PTGER3: variants seen among roughly 807,000 people sequenced by gnomAD.
PTGER3 encodes prostaglandin E2 receptor EP3 subtype.
In PTGER3, 22 loss-of-function variants were observed where a neutral mutation model predicts 34.7. The observed-to-expected ratio is 0.63, with a 90% CI of 0.45 to 0.91. The LOEUF (loss-of-function observed/expected upper bound fraction) is 0.91. Among genes scored for constraint, PTGER3 ranks in the 40% least tolerant of loss-of-function variants. The pLI, the probability that PTGER3 is intolerant of heterozygous loss-of-function variation, is 0.00. For synonymous variants in PTGER3, 241 were observed against 230.1 expected, an observed-to-expected ratio of 1.05 and a Z score of -0.43; for missense variants, 468 against 519.4, an observed-to-expected ratio of 0.90 and a Z score of 0.96.
In PTGER3 at chr1:70,992,444, G is replaced by A. The variant is rs141488636; in HGVS notation, c.1078-18056C>T. Among the ~76,000 whole-genome samples the A allele has an allele frequency of 4.8e-4, 73 of 152,300 alleles. 1 individual carries two copies. Among genetic ancestry groups the A allele is most frequent in the African/African-American group, 1.7e-3 (69 of 41,558 alleles). On this transcript the variant is annotated intron_variant, in intron 2 of 3. Transcript: ENST00000306666. ...AGATAAAAGGGAGATATTGAGCCTA[G>A]GCTGCTGTTATAGCGACCCACATGT...
chr1:70,858,765 A>G (rs1645864675), intron 4 of PTGER3, among the ~76,000 whole-genome samples: 1 of 152,220 alleles, frequency 6.6e-6, no homozygotes, highest in African/African-American at 2.4e-5. Context: ...GTAAGCTCCT[A>G]CCAACATTTG....
chr1:70,922,451 A>G (rs6424412), intron 4 of PTGER3, among the ~76,000 whole-genome samples: 53,812 of 152,000 alleles, frequency 0.35, 9,740 homozygotes, highest in Middle Eastern at 0.51. Flanking sequence ...AAATGCCACT[A>G]TGGCTCTTAC....
At chr1:71,015,029 C>G (rs1327743823) in intron 1 of PTGER3, among the ~76,000 whole-genome samples, 6 of 152,234 alleles carry the variant, frequency 3.9e-5, no homozygotes, top group Non-Finnish European at 8.8e-5. Flanking sequence ...ACTCCAAACT[C>G]TAGCTATAGT....
chr1:70,958,912 A>G (rs1048290289), intron 2 of PTGER3, among the ~76,000 whole-genome samples: 2 of 152,196 alleles, frequency 1.3e-5, no homozygotes, highest in African/African-American at 4.8e-5. Flanking sequence ...CATTTTTTTC[A>G]GCACCATTTA....
At chr1:70,888,078 T>G (rs1419161395) in intron 4 of PTGER3, among the ~76,000 whole-genome samples, 1 of 152,210 alleles carries the variant, frequency 6.6e-6, no homozygotes, top group Non-Finnish European at 1.5e-5. Flanking sequence ...AAGAGTACCA[T>G]GTACACTAGC....
At chr1:70,978,561 C>T (rs190951373) in intron 2 of PTGER3, among the ~76,000 whole-genome samples, 84 of 152,134 alleles carry the variant, frequency 5.5e-4, no homozygotes, top group African/African-American at 1.8e-3. Context: ...TTTCCTGATC[C>T]GGATAATAAT....
chr1:70,909,720 G>C (rs922956016), intron 4 of PTGER3, among the ~76,000 whole-genome samples: 1 of 152,130 alleles, frequency 6.6e-6, no homozygotes, highest in African/African-American at 2.4e-5. Flanking sequence ...CCTGTCAATA[G>C]TTACTTGAAA....
At chr1:70,889,288 G>A in intron 4 of PTGER3, among the ~76,000 whole-genome samples, 1 of 151,816 alleles carries the variant, frequency 6.6e-6, no homozygotes, top group East Asian at 2.0e-4. Context: ...GGTGGCGGGT[G>A]CCTGTAGTCC....
At chr1:70,978,610 G>T (rs1202498961) in intron 2 of PTGER3, among the ~76,000 whole-genome samples, 1 of 152,090 alleles carries the variant, frequency 6.6e-6, no homozygotes, top group African/African-American at 2.4e-5. Flanking sequence ...TTGCAGGAGT[G>T]TGTGCTCTAG....
intron 2 of PTGER3, chr1:71,008,553 T>A: frequency 1.0e-6 from 1 of 969,290 alleles, no homozygotes; most frequent in Non-Finnish European, 1.2e-6. Flanking sequence ...CAAATATGTA[T>A]GTGAGTTTAG....
At chr1:70,877,434 A>G (rs1452565915) in intron 4 of PTGER3, among the ~76,000 whole-genome samples, 1 of 152,034 alleles carries the variant, frequency 6.6e-6, no homozygotes, top group Non-Finnish European at 1.5e-5. Flanking sequence ...TCCTATTTGG[A>G]TGCCTTGTAT....
At chr1:70,948,035 G>T (rs1572726536), downstream of PTGER3, among the ~76,000 whole-genome samples, 1 of 152,140 alleles carries the variant, frequency 6.6e-6, no homozygotes, top group African/African-American at 2.4e-5. Context: ...TGAGTGTGAT[G>T]AAATGGTAGA....
chr1:70,922,346 A>G (rs866115252), intron 4 of PTGER3, among the ~76,000 whole-genome samples: 1 of 142,626 alleles, frequency 7.0e-6, no homozygotes, highest in Non-Finnish European at 1.5e-5. Context: ...CATGTTGTAG[A>G]TGGTCTGTGT....
intron 2 of PTGER3, chr1:71,010,172 T>C (rs768739032): frequency 4.4e-5 from 43 of 984,988 alleles, no homozygotes; most frequent in Non-Finnish European, 5.2e-5. Flanking sequence ...TGAAAAGTGA[T>C]ATTCTTGTGA....
At chr1:71,022,326 T>A (rs33936437) in intron 1 of PTGER3, among the ~76,000 whole-genome samples, 50,116 of 151,306 alleles carry the variant, frequency 0.33, 9,050 homozygotes, top group South Asian at 0.45. Context: ...ACTCTGTATG[T>A]TCAAAACATT....
intron 2 of PTGER3, chr1:71,002,272 A>AG (rs1553174314): frequency 6.6e-6 from 1 of 152,158 alleles, no homozygotes; most frequent in Non-Finnish European, 1.5e-5. Flanking sequence ...TTAAAAAAAA[A>AG]GTCTGTATTT....
intron 4 of PTGER3, among the ~76,000 whole-genome samples, chr1:70,867,379 G>A (rs1646065070): frequency 6.6e-6 from 1 of 152,004 alleles, no homozygotes; most frequent in African/African-American, 2.4e-5. Context: ...CACTTTGAGG[G>A]CAAATATTAA....
At position 71,047,226 on chromosome 1, in the gene PTGER3, G is replaced by C. The variant is rs747542088; in HGVS notation, c.352C>G (p.Gln118Glu). Residue 118 changes from glutamine to glutamate, a missense_variant, in exon 1 of 4, where the codon CAG becomes GAG. This residue lies in a region of PTGER3 where 53 missense variants were observed against 93.9 expected (regional missense o/e 0.56). Transcript: ENST00000306666. ...PVVIVVYLSK[Q>E]RWEHIDPSGR... Reference sequence around the variant, plus strand: ...GACGGGTCGATGTGCTCCCAACGCTGCTTGGACAGGTACACGACGATGACG... The same window carrying C: ...GACGGGTCGATGTGCTCCCAACGCTCCTTGGACAGGTACACGACGATGACG... 2 of 1,597,014 alleles carry C rather than the reference G, an allele frequency of 1.3e-6. No homozygotes were observed. Among genetic ancestry groups the C allele is most frequent in the Non-Finnish European group, 8.5e-7 (1 of 1,172,120 alleles).
chr1:70,981,355 CTTTCTTT>C (rs1654296987), intron 2 of PTGER3, among the ~76,000 whole-genome samples: 1 of 88,614 alleles, frequency 1.1e-5, no homozygotes, highest in Non-Finnish European at 2.2e-5. Context: ...TTCTTTCTTT[CTTTCTTT>C]CTTTCTTTCT....
Sources: allele counts gnomAD v4.1 joint callset (sites outside exome capture counted in the v4.1 genomes callset), GRCh38; gene constraint gnomAD v4.1.1; regional missense constraint gnomAD v4.1.1; transcripts MANE v1.5; gene names NCBI Gene and HGNC (gene_info 2026-07-23, HGNC 2026-07-21).